COPS9: variants seen among roughly 807,000 people sequenced by gnomAD.
COPS9 encodes COP9 signalosome subunit 9, also known as COP9 signalosome complex subunit 9.
Under a neutral mutation model 7.2 loss-of-function variants are expected in COPS9, and 8 were observed. The observed-to-expected ratio is 1.11, with a 90% CI of 0.65 to 2.00. The LOEUF (loss-of-function observed/expected upper bound fraction) is 2.00, where lower values mean the gene tolerates loss of function less well. Among genes scored for constraint, COPS9 ranks in the 30% most tolerant of loss-of-function variants. The pLI is 0.00. For missense variants in COPS9, 74 were observed against 77.7 expected (o/e 0.95, Z 0.18); for synonymous variants, 39 against 28.7 (o/e 1.36, Z -1.14).
At chr2:240,130,280 G>A (rs1042078667), downstream of COPS9, among the ~76,000 whole-genome samples, 4 of 152,202 alleles carry the variant, frequency 2.6e-5, no homozygotes, top group Non-Finnish European at 4.4e-5. Flanking sequence ...CTGGGCCTGG[G>A]CGTCTCCTGG....
At chr2:240,130,281 C>T (rs903774503), downstream of COPS9, among the ~76,000 whole-genome samples, 1 of 152,188 alleles carries the variant, frequency 6.6e-6, no homozygotes, top group African/African-American at 2.4e-5. Flanking sequence ...TGGGCCTGGG[C>T]GTCTCCTGGC....
rs1183872748 is a variant in COPS9, at chr2:240,132,618, G to C, written c.136+1315C>G. Among the ~76,000 whole-genome samples, 2 of 152,264 alleles carry C rather than the reference G, an allele frequency of 1.3e-5. No individual in the cohort carries two copies. Among genetic ancestry groups the C allele is most frequent in the Non-Finnish European group, 2.9e-5 (2 of 68,052 alleles). On this transcript the variant is annotated intron_variant, in intron 2 of 2. Coordinates refer to ENST00000607357, the MANE Select transcript of COPS9 (RefSeq NM_001163424.2). This position sits in a 1 kb window ranked among gnomAD's most constrained non-coding sequence, Gnocchi z 4.1. The stretch of plus-strand genomic sequence containing the variant: ...TTCAAGGGCTGACTCTGGAAGTCAT[G>C]TGAACTCAAACACTAGAACACAGCA...
chr2:240,126,988 G>C, downstream of COPS9: 1 of 1,586,740 alleles, frequency 6.3e-7, no homozygotes, highest in East Asian at 2.2e-5. Flanking sequence ...GGTCTGGTAG[G>C]TTTGCCTCTG....
downstream of COPS9, among the ~76,000 whole-genome samples, chr2:240,127,632 C>T (rs917412694): frequency 3.3e-5 from 5 of 152,118 alleles, no homozygotes; most frequent in East Asian, 9.7e-4. Context: ...GTGGGATCAG[C>T]GTCCGTACAG....
chr2:240,130,694 A>T, downstream of COPS9: 1 of 769,376 alleles, frequency 1.3e-6, no homozygotes, highest in Non-Finnish European at 1.7e-6. Flanking sequence ...AACACAAGGT[A>T]TCTGCTACCA....
chr2:240,128,046 G>A (rs1011457254), downstream of COPS9, among the ~76,000 whole-genome samples: 14 of 152,352 alleles, frequency 9.2e-5, no homozygotes, highest in African/African-American at 2.9e-4. Context: ...AACCTGCGCT[G>A]TGTGGCCAAG....
At chr2:240,130,677 G>T (rs1009107808), downstream of COPS9, 3 of 628,330 alleles carry the variant, frequency 4.8e-6, no homozygotes, top group African/African-American at 2.0e-5. Context: ...AGCACATACA[G>T]CACCTTAACA....
downstream of COPS9, among the ~76,000 whole-genome samples, chr2:240,128,622 G>T (rs528525591): frequency 6.6e-6 from 1 of 151,592 alleles, no homozygotes; most frequent in African/African-American, 2.4e-5. Flanking sequence ...TGATGAAGGC[G>T]ATCAGGTATA....
intron 1 of COPS9, 102 bp downstream of exon 1, chr2:240,136,120 C>A: frequency 7.5e-7 from 1 of 1,333,464 alleles, no homozygotes; most frequent in Non-Finnish European, 9.6e-7. Flanking sequence ...ATCGCCCACC[C>A]GCCCGGCCTC....
chr2:240,136,121 G>GCCACCCCCCC, intron 1 of COPS9, 101 bp downstream of exon 1: 1 of 566,400 alleles, frequency 1.8e-6, no homozygotes, highest in Non-Finnish European at 2.5e-6. Flanking sequence ...TCGCCCACCC[G>GCCACCCCCCC]CCCGGCCTCC....
At chr2:240,135,086 GT>G (rs2071962094) in intron 1 of COPS9, among the ~76,000 whole-genome samples, 1 of 152,066 alleles carries the variant, frequency 6.6e-6, no homozygotes, top group Non-Finnish European at 1.5e-5. Flanking sequence ...CTTTAGCATG[GT>G]TCCAGATGGT....
rs1220629082 is a variant in COPS9 at position 240,133,852 on chromosome 2, T to C, written c.136+81A>G. The C allele has an allele frequency of 1.4e-5, 20 of 1,383,226 alleles. No homozygotes were observed. In the Admixed American group the frequency reaches 2.6e-4, roughly 18 times the overall value. 85.7% of individuals were successfully genotyped at this position (1,383,226 alleles called of 1,614,324 possible). A position where few individuals can be genotyped will look rare whatever the true frequency, so the allele number is the denominator to read the frequency against. ...ACCACCTTATGATCCAAATTATTCA[T>C]GTCACCAAGTTGCTTCACTGCCTTC... On this transcript the variant is annotated intron_variant, in intron 2 of 2. Coordinates refer to ENST00000607357, the MANE Select transcript of COPS9 (RefSeq NM_001163424.2).
At chr2:240,134,237 T>A (rs1439046903) in intron 1 of COPS9, 2 of 515,298 alleles carry the variant, frequency 3.9e-6, no homozygotes, top group Non-Finnish European at 6.9e-6. Flanking sequence ...TTGATTCCTG[T>A]CTGCCTTTAA....
intron 2 of COPS9, 64 bp from the exon 3 acceptor site, chr2:240,131,152 A>G: frequency 6.5e-7 from 1 of 1,537,394 alleles, no homozygotes; most frequent in Non-Finnish European, 8.9e-7. Flanking sequence ...AAATCACTTC[A>G]GAATGAATTA....
chr2:240,133,469 G>A (rs2071941436), intron 2 of COPS9, among the ~76,000 whole-genome samples: 1 of 152,244 alleles, frequency 6.6e-6, no homozygotes, highest in African/African-American at 2.4e-5. Context: ...CTGGGCAAGA[G>A]CTGGAGTATG....
intron 1 of COPS9, 152 bp downstream of exon 1, chr2:240,136,070 A>C (rs2071987482): frequency 2.5e-5 from 30 of 1,206,248 alleles, no homozygotes; most frequent in Non-Finnish European, 3.1e-5. Context: ...AGAAACCGGG[A>C]TTTGCTCTCC....
downstream of COPS9, chr2:240,126,742 G>C (rs139649866): frequency 7.4e-5 from 119 of 1,614,058 alleles, no homozygotes; most frequent in Non-Finnish European, 9.7e-5. Flanking sequence ...TAACTTCCCA[G>C]CCACTTGGAT....
At chr2:240,133,561 G>C (rs997912051) in intron 2 of COPS9, among the ~76,000 whole-genome samples, 1 of 152,216 alleles carries the variant, frequency 6.6e-6, no homozygotes, top group Non-Finnish European at 1.5e-5. Flanking sequence ...AAGGAAACCG[G>C]CTACCCGGAG....
downstream of COPS9, among the ~76,000 whole-genome samples, chr2:240,128,222 T>C (rs934439970): frequency 2.6e-5 from 4 of 152,110 alleles, no homozygotes; most frequent in African/African-American, 9.7e-5. Flanking sequence ...AGAGATATAG[T>C]GTGGAGACTG....
Sources: allele counts gnomAD v4.1 joint callset (sites outside exome capture counted in the v4.1 genomes callset), GRCh38; gene constraint gnomAD v4.1.1; non-coding constraint Gnocchi (gnomAD v3.1); transcripts MANE v1.5; gene names NCBI Gene and HGNC (gene_info 2026-07-23, HGNC 2026-07-21).